The following TTC13 variants were observed in gnomAD, a reference collection of about 807,000 sequenced individuals.
The protein encoded by TTC13 is tetratricopeptide repeat protein 13.
Under a neutral mutation model 120.0 loss-of-function variants are expected in TTC13, and 62 were observed. That is an observed-to-expected ratio of 0.52 (90% CI 0.42 to 0.64). The LOEUF (loss-of-function observed/expected upper bound fraction) is 0.64. Ranked by LOEUF, TTC13 falls within the 30% of genes least tolerant of loss-of-function variation. The pLI is 0.00. For synonymous variants in TTC13, 384 were observed against 393.5 expected, an observed-to-expected ratio of 0.98 and a Z score of 0.28; for missense variants, 824 against 1,050.2, an observed-to-expected ratio of 0.78 and a Z score of 2.98.
At chr1:230,950,987 A>C (rs966020253) in intron 4 of TTC13, among the ~76,000 whole-genome samples, 1 of 152,236 alleles carries the variant, frequency 6.6e-6, no homozygotes, top group Non-Finnish European at 1.5e-5. Context: ...TTAAAAATCA[A>C]GAGTTTCCAA....
chr1:230,910,169 T>C lies in TTC13; in HGVS notation c.2310-1149A>G, dbSNP rs1457262689. Among the ~76,000 whole-genome samples, 4 of 152,060 alleles carry C rather than the reference T, an allele frequency of 2.6e-5. No homozygotes were observed. The East Asian group carries it at 5.8e-4, about 22-fold the overall frequency. On this transcript the variant is annotated intron_variant, in intron 20 of 22. Coordinates refer to ENST00000366661, the MANE Select transcript of TTC13 (RefSeq NM_024525.5). ...ACCAAGAAAAGTGAGTCAAGGTGAT[T>C]CATGGGGTTCTCCAGCAGGGAAGAC... is the stretch of plus-strand genomic sequence containing the variant.
rs543040794 is a variant in TTC13, at chr1:230,944,194, C to T, written c.580-296G>A. Among the ~76,000 whole-genome samples, 2 of 152,230 alleles carry T rather than the reference C, an allele frequency of 1.3e-5. No homozygotes were observed. The highest frequency in any genetic ancestry group is 2.4e-5 in the African/African-American group (1 of 41,544). On this transcript the variant is annotated intron_variant, in intron 5 of 22. Coordinates refer to ENST00000366661, the MANE Select transcript of TTC13 (RefSeq NM_024525.5). This position sits in a 1 kb window ranked among gnomAD's most constrained non-coding sequence, Gnocchi z 4.0. ...TTAATCTACTTAAACATGGAATCAACGAATCTCAATGGATGAGTATGTGGA... is the reference window on the plus strand; with the variant it reads ...TTAATCTACTTAAACATGGAATCAATGAATCTCAATGGATGAGTATGTGGA...
At chr1:230,920,979 T>C (rs965243533) in intron 16 of TTC13, among the ~76,000 whole-genome samples, 1 of 152,244 alleles carries the variant, frequency 6.6e-6, no homozygotes, top group East Asian at 1.9e-4. Context: ...TTTCTAAAGC[T>C]GCTCAAATGA....
At chr1:230,920,271 C>A in intron 17 of TTC13, 1 of 288,136 alleles carries the variant, frequency 3.5e-6, no homozygotes, top group Non-Finnish European at 6.5e-6. Context: ...TGGCCAGAAG[C>A]AGAATTCAAT....
At chr1:230,937,296 C>T (rs776821324) in intron 8 of TTC13, among the ~76,000 whole-genome samples, 6 of 152,050 alleles carry the variant, frequency 3.9e-5, no homozygotes, top group African/African-American at 1.2e-4. Context: ...AAAGTGAAAC[C>T]GTTTGCATTT....
At chr1:230,945,987 G>A (rs952736711) in intron 4 of TTC13, among the ~76,000 whole-genome samples, 5 of 152,162 alleles carry the variant, frequency 3.3e-5, no homozygotes, top group African/African-American at 1.2e-4. Flanking sequence ...CTAATGGGTT[G>A]AAATAAAAAA....
Position 230,954,354 on chromosome 1 carries a change from C to T in TTC13, c.492G>A (p.Arg164=). The change falls in exon 4 of 23, where the codon CGG becomes CGA. Residue 164 remains arginine, a synonymous_variant. Coordinates refer to ENST00000366661, the MANE Select transcript of TTC13 (RefSeq NM_024525.5). Reference sequence around the variant, plus strand: ...TTACCTGAAGCATTGTTGAAAAATGCCGTATTGCTTCATCATACAGACCAC... The same window carrying T: ...TTACCTGAAGCATTGTTGAAAAATGTCGTATTGCTTCATCATACAGACCAC... ...IGSGLYDEAI[R]HFSTMLQEEP... 1.2e-6 allele frequency: 2 copies of T among 1,611,182 alleles called. No individual in the cohort carries two copies. The highest frequency in any genetic ancestry group is 1.7e-5 in the Admixed American group (1 of 59,810).
intron 4 of TTC13, among the ~76,000 whole-genome samples, chr1:230,951,420 C>A (rs534009783): frequency 2.0e-5 from 3 of 151,190 alleles, no homozygotes; most frequent in Admixed American, 6.6e-5. Flanking sequence ...TCAAGAAAAC[C>A]AAAAATTCTG....
intron 18 of TTC13, among the ~76,000 whole-genome samples, chr1:230,914,310 C>T (rs1317321621): frequency 2.0e-5 from 3 of 152,152 alleles, no homozygotes; most frequent in Non-Finnish European, 4.4e-5. Flanking sequence ...CCTCAGCCTA[C>T]TCAACGTGAA....
chr1:230,933,636 A>G, intron 9 of TTC13, 143 bp downstream of exon 9: 2 of 434,574 alleles, frequency 4.6e-6, no homozygotes, highest in Non-Finnish European at 8.2e-6. Context: ...GAAAATATCA[A>G]CAAGTCTATA....
chr1:230,969,714 G>A (rs577353715), intron 1 of TTC13, among the ~76,000 whole-genome samples: 2 of 152,174 alleles, frequency 1.3e-5, no homozygotes, highest in Admixed American at 6.5e-5. Flanking sequence ...GTTTGACTTA[G>A]AGCAAGTCCT....
intron 1 of TTC13, among the ~76,000 whole-genome samples, chr1:230,964,511 T>C (rs11122168): frequency 0.1 from 15,913 of 152,232 alleles, 816 homozygotes; most frequent in Middle Eastern, 0.21. Context: ...TATCTCCACT[T>C]TTGTAAATCA....
intron 1 of TTC13, among the ~76,000 whole-genome samples, chr1:230,971,751 G>C (rs907392435): frequency 1.3e-5 from 2 of 152,162 alleles, no homozygotes; most frequent in Non-Finnish European, 2.9e-5. Flanking sequence ...TCACTGCACG[G>C]GATGGAAAAA....
chr1:230,975,390 A>T (rs1304512739), intron 1 of TTC13, among the ~76,000 whole-genome samples: 4 of 152,158 alleles, frequency 2.6e-5, no homozygotes, highest in Admixed American at 2.6e-4. Context: ...AATAGAAAAA[A>T]CAACAGCACC....
chr1:230,970,021 C>T (rs961305264), intron 1 of TTC13, among the ~76,000 whole-genome samples: 1 of 152,102 alleles, frequency 6.6e-6, no homozygotes, highest in African/African-American at 2.4e-5. Flanking sequence ...CACACTGTGC[C>T]CACTGTACAC....
chr1:230,977,222 T>C lies in TTC13; in HGVS notation c.271+1338A>G, dbSNP rs13376306. On this transcript the variant is annotated intron_variant, in intron 1 of 22. Transcript: ENST00000366661. ...ACTAGGCTCATAGACCTAAAGCACT[T>C]ATAACAGCACCTGGCATACAGCAAG... 6.6e-3 allele frequency among the ~76,000 whole-genome samples: 1,003 copies of C among 152,286 alleles called. 9 individuals carry two copies. The highest frequency in any genetic ancestry group is 0.023 in the African/African-American group (953 of 41,540).
chr1:230,977,603 G>A (rs1392242557), intron 1 of TTC13, among the ~76,000 whole-genome samples: 1 of 151,984 alleles, frequency 6.6e-6, no homozygotes, highest in East Asian at 1.9e-4. Flanking sequence ...AAAAGGTATT[G>A]TTTTCCCAGG....
intron 17 of TTC13, 168 bp downstream of exon 17, chr1:230,920,342 C>T: frequency 2.3e-6 from 1 of 441,046 alleles, no homozygotes; most frequent in Non-Finnish European, 4.0e-6. Flanking sequence ...GTTGTTTTTT[C>T]TGTTTGAGTC....
intron 22 of TTC13, 143 bp from the exon 23 acceptor site, chr1:230,907,162 G>A: frequency 2.5e-6 from 1 of 407,886 alleles, no homozygotes; most frequent in East Asian, 4.0e-5. Context: ...GGGAGGAGCT[G>A]TGAACAGAAT....
Sources: gnomAD v4.1 joint callset for allele counts (sites outside exome capture counted in the v4.1 genomes callset) on GRCh38, gnomAD v4.1.1 for gene constraint, Gnocchi (gnomAD v3.1) non-coding constraint, MANE v1.5 for transcripts, NCBI Gene and HGNC (gene_info 2026-07-23, HGNC 2026-07-21) for gene names.